MYLK4: variants seen among roughly 807,000 people sequenced by gnomAD.
MYLK4 encodes the protein myosin light chain kinase family member 4.
Under a neutral mutation model 48.1 loss-of-function variants are expected in MYLK4, and 46 were observed. That is an observed-to-expected ratio of 0.96 (90% CI 0.75 to 1.22). The LOEUF (loss-of-function observed/expected upper bound fraction) is 1.22. Among genes scored for constraint, MYLK4 ranks in the 50% most tolerant of loss-of-function variants. The probability of loss-of-function intolerance (pLI) is 0.00; values close to 1 mark genes in which losing one functional copy is unlikely to be tolerated. For synonymous variants in MYLK4, 170 were observed against 180.8 expected (o/e 0.94, Z 0.48); for missense variants, 451 against 486.1 (o/e 0.93, Z 0.68).
chr6:2,770,290 C>G, the MYLK4 span: 1 of 1,614,138 alleles, frequency 6.2e-7, no homozygotes, highest in Non-Finnish European at 8.5e-7. Flanking sequence ...CGATCAACTC[C>G]CTGGGAATCC....
At chr6:2,700,540 C>G (rs575012692) in intron 2 of MYLK4, among the ~76,000 whole-genome samples, 23 of 152,292 alleles carry the variant, frequency 1.5e-4, no homozygotes, top group African/African-American at 5.1e-4. Flanking sequence ...CCCCGATAAG[C>G]AAGGTCTTTG....
At chr6:2,744,604 A>G (rs1764011206) in intron 2 of MYLK4, among the ~76,000 whole-genome samples, 1 of 152,220 alleles carries the variant, frequency 6.6e-6, no homozygotes, top group Non-Finnish European at 1.5e-5. Flanking sequence ...CTGCAATCAA[A>G]ATAGGAAAAT....
chr6:2,711,799 T>C (rs575859069), intron 2 of MYLK4, among the ~76,000 whole-genome samples: 12 of 152,306 alleles, frequency 7.9e-5, no homozygotes, highest in African/African-American at 2.6e-4. Context: ...GTATCTTTTT[T>C]TTTTAAAGGC....
intron 2 of MYLK4, among the ~76,000 whole-genome samples, chr6:2,737,139 C>T (rs1763708750): frequency 1.3e-5 from 2 of 152,128 alleles, no homozygotes; most frequent in South Asian, 4.2e-4. Flanking sequence ...ATGGTGAAAC[C>T]CCATCTCTAC....
In MYLK4 at chr6:2,678,369, A is replaced by G. The variant is rs140302733; in HGVS notation, c.891T>C (p.Leu297=). The G allele has an allele frequency of 3.1e-6, 5 of 1,613,776 alleles. No individual in the cohort carries two copies. In the Admixed American group the frequency reaches 8.3e-5, roughly 27 times the overall value. Residue 297 remains leucine, a synonymous_variant, in exon 10 of 13, where the codon CTT becomes CTC. Transcript: ENST00000274643. The stretch of plus-strand genomic sequence containing the variant: ...CACCCAGGAAAGGCGACAAACCGCT[A>G]AGTCTGGAGGACACGGGGTCCAGAG... ...WSVGVIAYML[L]SGLSPFLGDN...
At chr6:2,764,453 T>C in the MYLK4 span, among the ~76,000 whole-genome samples, 1 of 152,190 alleles carries the variant, frequency 6.6e-6, no homozygotes, top group South Asian at 2.1e-4. Context: ...AATTCAAGTT[T>C]TGGCCAAATT....
Position 2,749,077 on chromosome 6 carries a change from A to G in MYLK4, c.159+59T>C, listed in dbSNP as rs947609368. 2.6e-6 allele frequency: 4 copies of G among 1,510,722 alleles called. No individual in the cohort carries two copies. In the African/African-American group the frequency reaches 5.5e-5, roughly 21 times the overall value. 93.6% of individuals were successfully genotyped at this position (1,510,722 alleles called of 1,614,324 possible). On this transcript the variant is annotated intron_variant, in intron 2 of 12. Transcript: ENST00000274643. ...TTGTACTCACAAGCGGCTCCATGAC[A>G]TTAGAAAAGATAAGATAGAATGAAT...
chr6:2,765,125 G>T, the MYLK4 span, among the ~76,000 whole-genome samples: 12 of 151,520 alleles, frequency 7.9e-5, no homozygotes, highest in Admixed American at 2.0e-4. Context: ...AGGCCTGGGC[G>T]GAGGGCTGCG....
At chr6:2,744,434 C>T (rs1764003594) in intron 2 of MYLK4, among the ~76,000 whole-genome samples, 1 of 152,216 alleles carries the variant, frequency 6.6e-6, no homozygotes, top group African/African-American at 2.4e-5. Flanking sequence ...GGGTGAGGAG[C>T]ACAGGGATGG....
At chr6:2,767,120 C>T in the MYLK4 span, among the ~76,000 whole-genome samples, 3 of 152,142 alleles carry the variant, frequency 2.0e-5, no homozygotes, top group African/African-American at 7.2e-5. Flanking sequence ...AACATCCGTG[C>T]ATTTTGGTGT....
intron 2 of MYLK4, among the ~76,000 whole-genome samples, chr6:2,713,374 CAA>C (rs1224201871): frequency 8.7e-5 from 4 of 45,716 alleles, no homozygotes; most frequent in Admixed American, 2.6e-4. Context: ...AACTCCGTCT[CAA>C]AAAAAAAAAA....
chr6:2,694,617 G>GTAGTGC (rs1249981890), intron 2 of MYLK4, among the ~76,000 whole-genome samples: 22 of 123,040 alleles, frequency 1.8e-4, no homozygotes, highest in Non-Finnish European at 2.6e-4. Context: ...GATTGTAGTG[G>GTAGTGC]TGATGGCGGT....
intron 2 of MYLK4, among the ~76,000 whole-genome samples, chr6:2,707,579 A>T (rs1013355676): frequency 5.3e-5 from 8 of 152,222 alleles, no homozygotes; most frequent in African/African-American, 1.9e-4. Context: ...AAGTAGTGTT[A>T]TTTAAAATAA....
rs1349119351 is a variant in MYLK4, at chr6:2,667,405, G to A, written c.*520C>T. 1.3e-5 allele frequency: 2 copies of A among 152,136 alleles called. No homozygotes were observed. The highest frequency in any genetic ancestry group is 2.9e-5 in the Non-Finnish European group (2 of 68,034). The allele number at this position is 152,136 out of a possible 1,614,324, so 9.4% of individuals were successfully genotyped here. On this transcript the variant is annotated 3_prime_UTR_variant, in exon 13 of 13. Transcript: ENST00000274643. The stretch of plus-strand genomic sequence containing the variant: ...GACCACAGACCAAATCAAAATGACA[G>A]AGTCTGTGAAACTAAGTCTCCAAGG...
chr6:2,733,008 T>C (rs1763532077), intron 2 of MYLK4, among the ~76,000 whole-genome samples: 1 of 152,248 alleles, frequency 6.6e-6, no homozygotes, highest in Non-Finnish European at 1.5e-5. Flanking sequence ...AGGTTGACTT[T>C]ATTATAACTA....
the MYLK4 span, among the ~76,000 whole-genome samples, chr6:2,762,843 G>C: frequency 6.6e-6 from 1 of 152,162 alleles, no homozygotes; most frequent in African/African-American, 2.4e-5. Context: ...TCTTAAGTTA[G>C]CCGTTCCTGC....
rs1475683510 is a variant in MYLK4 at position 2,672,391 on chromosome 6, G to A, written c.1120-1043C>T. ...TGTCACCTTGAGCATAATACAGAGG[G>A]CAGAGAACTCTCGGATGTTAACTTC... On this transcript the variant is annotated intron_variant, in intron 11 of 12. Transcript: ENST00000274643. The surrounding 1 kb of genome is among the most constrained non-coding windows in gnomAD (Gnocchi z 4.3). Among the ~76,000 whole-genome samples the A allele has an allele frequency of 6.6e-6, 1 of 152,056 alleles. No individual in the cohort carries two copies. Among genetic ancestry groups the A allele is most frequent in the Non-Finnish European group, 1.5e-5 (1 of 68,012 alleles).
intron 2 of MYLK4, among the ~76,000 whole-genome samples, chr6:2,696,339 C>T (rs1311315426): frequency 2.0e-5 from 3 of 152,212 alleles, no homozygotes; most frequent in African/African-American, 2.4e-5. Context: ...TGTATCCCCC[C>T]CGACGATATA....
At chr6:2,717,632 C>T (rs573182531) in intron 2 of MYLK4, among the ~76,000 whole-genome samples, 11 of 152,240 alleles carry the variant, frequency 7.2e-5, no homozygotes, top group African/African-American at 2.7e-4. Flanking sequence ...TGCACTAAGA[C>T]GCCCTCATCC....
Sources: gnomAD v4.1 joint callset for allele counts (sites outside exome capture counted in the v4.1 genomes callset) on GRCh38, gnomAD v4.1.1 for gene constraint, Gnocchi (gnomAD v3.1) non-coding constraint, MANE v1.5 for transcripts, NCBI Gene and HGNC (gene_info 2026-07-23, HGNC 2026-07-21) for gene names.